Variants in SLC3A1 observed in about 807,000 individuals in gnomAD.
SLC3A1 encodes amino acid transporter heavy chain SLC3A1.
A neutral mutation model predicts 60.3 loss-of-function variants in SLC3A1; 78 were observed. That is an observed-to-expected ratio of 1.29 (90% CI 1.08 to 1.56). SLC3A1 has a LOEUF of 1.56. SLC3A1 is among the 40% of genes most tolerant of loss of function. The pLI is 0.00. For synonymous variants in SLC3A1, 392 were observed against 307.9 expected (o/e 1.27, Z -2.86); for missense variants, 1,172 against 858.9 (o/e 1.36, Z -4.56).
intron 1 of SLC3A1, among the ~76,000 whole-genome samples, chr2:44,279,003 A>T (rs777179934): frequency 2.1e-5 from 3 of 145,068 alleles, no homozygotes; most frequent in African/African-American, 7.5e-5. Flanking sequence ...TATATTTATT[A>T]TTTTTTTTTT....
At chr2:44,285,268 C>T (rs1035174884) in intron 3 of SLC3A1, 3 of 167,574 alleles carry the variant, frequency 1.8e-5, no homozygotes, top group Non-Finnish European at 3.9e-5. Flanking sequence ...AGTGTAACTA[C>T]GTCTTCCAAC....
chr2:44,313,558 T>C (rs912473229), intron 8 of SLC3A1, among the ~76,000 whole-genome samples: 2 of 152,238 alleles, frequency 1.3e-5, no homozygotes, highest in African/African-American at 2.4e-5. Context: ...TCCTGTATTA[T>C]TGATTTTTAG....
chr2:44,310,629 G>C, intron 7 of SLC3A1, among the ~76,000 whole-genome samples: 1 of 151,944 alleles, frequency 6.6e-6, no homozygotes, highest in East Asian at 1.9e-4. Context: ...GTCCTACTTG[G>C]AGTTCATTGA....
At chr2:44,298,531 C>G (rs886490462) in intron 4 of SLC3A1, among the ~76,000 whole-genome samples, 2 of 152,194 alleles carry the variant, frequency 1.3e-5, no homozygotes, top group African/African-American at 4.8e-5. Flanking sequence ...GTGCATGGCT[C>G]CATGCCCAAC....
At position 44,320,238 on chromosome 2, in the gene SLC3A1, C is replaced by G. The variant is rs754053965; in HGVS notation, c.1657C>G (p.Gln553Glu). 4.3e-6 allele frequency: 7 copies of G among 1,613,852 alleles called. No individual in the cohort carries two copies. In the African/African-American group the frequency reaches 6.7e-5, roughly 15 times the overall value. ...TQPRSALKLY[Q>E]DLSLLHANEL... is the part of the protein sequence containing the mutation. ...GCCCAGATCGGCTTTGAAGTTATAT[C>G]AAGATTTAAGTCTACTTCATGCCAA... Residue 553 changes from glutamine (Q) to glutamate (E), a missense_variant, in exon 10 of 10, where the codon CAA (glutamine) becomes GAA (glutamate). Physicochemically the swap from Gln to Glu is conservative, Grantham distance 29. Coordinates refer to ENST00000260649, the MANE Select transcript of SLC3A1 (RefSeq NM_000341.4).
At chr2:44,288,323 G>A (rs760321109) in intron 4 of SLC3A1, among the ~76,000 whole-genome samples, 4 of 152,110 alleles carry the variant, frequency 2.6e-5, no homozygotes, top group Non-Finnish European at 5.9e-5. Flanking sequence ...ACTGCACCTG[G>A]CCTAATTTCA....
chr2:44,315,391 G>A (rs1455183081), intron 9 of SLC3A1: 1 of 151,634 alleles, frequency 6.6e-6, no homozygotes, highest in African/African-American at 2.4e-5. Flanking sequence ...GCTCACAGCT[G>A]TAATCCCAGC....
chr2:44,285,653 T>G (rs1671595772), intron 3 of SLC3A1: 2 of 482,006 alleles, frequency 4.1e-6, no homozygotes, highest in East Asian at 1.3e-4. Context: ...AGCGGAATGT[T>G]TCTTTCTTCC....
At chr2:44,277,078 T>G (rs1671360341) in intron 1 of SLC3A1, among the ~76,000 whole-genome samples, 1 of 149,574 alleles carries the variant, frequency 6.7e-6, no homozygotes, top group Non-Finnish European at 1.5e-5. Flanking sequence ...CTTTTCTTTT[T>G]CACGCTCCTA....
chr2:44,301,426 C>G (rs2104365104), intron 6 of SLC3A1: 1 of 586,110 alleles, frequency 1.7e-6, no homozygotes, highest in East Asian at 2.9e-5. Flanking sequence ...TAGCCATGAG[C>G]TATTATTTTT....
chr2:44,320,435 G>C lies in SLC3A1; in HGVS notation c.1854G>C (p.Met618Ile), dbSNP rs698761. The change falls in exon 10 of 10, where the codon ATG (methionine) becomes ATC (isoleucine). Residue 618 changes from methionine (M) to isoleucine (I), a missense_variant. Met to Ile is a conservative substitution (Grantham distance 10). Coordinates refer to ENST00000260649, the MANE Select transcript of SLC3A1 (RefSeq NM_000341.4). ...TGATTTCGGGCCTTCCCGCTAAAAT[G>C]AGAATAAGGTTAAGTACCAATTCTG... ...HNMISGLPAK[M>I]RIRLSTNSAD... is the part of the protein sequence containing the mutation. 4.4e-5 allele frequency: 71 copies of C among 1,613,778 alleles called. No homozygotes were observed. Among genetic ancestry groups the C allele is most frequent in the Non-Finnish European group, 5.5e-5 (65 of 1,179,922 alleles).
At chr2:44,301,865 G>T (rs1414818193) in intron 6 of SLC3A1, among the ~76,000 whole-genome samples, 1 of 151,926 alleles carries the variant, frequency 6.6e-6, no homozygotes, top group Non-Finnish European at 1.5e-5. Flanking sequence ...TTCGAGACCA[G>T]CCTGGGCAAC....
At position 44,286,767 on chromosome 2, in the gene SLC3A1, G is replaced by A. The variant is rs1013669994; in HGVS notation, c.891+610G>A. ...GACTGAGCTGTGCGGTGTCTGTGAC[G>A]GTGAGCTGTGCGGTGCCTGTGACGG... On this transcript the variant is annotated intron_variant, in intron 4 of 9. Transcript: ENST00000260649. 6.8e-5 allele frequency among the ~76,000 whole-genome samples: 9 copies of A among 132,382 alleles called. 1 individual carries two copies. The South Asian group carries it at 1.6e-3, about 23-fold the overall frequency. 86.8% of individuals were successfully genotyped at this position (132,382 alleles called of 152,430 possible).
In SLC3A1 at chr2:44,281,480, A is replaced by G. The variant is rs1432983344; in HGVS notation, c.704A>G (p.Asp235Gly). Residue 235 changes from aspartate (D) to glycine (G), a missense_variant, in exon 3 of 10, where the codon GAT becomes GGT. Asp to Gly is a moderately conservative substitution (Grantham distance 94). Transcript: ENST00000260649. ...LSRTRTGKYTDYYIWHDCTHE... is the reference protein window; with the variant it reads ...LSRTRTGKYTGYYIWHDCTHE... ...CGGACACGGACAGGAAAATATACTG[A>G]TTATTATATCTGGCATGACTGTACC... is the stretch of plus-strand genomic sequence containing the variant. 1 of 1,613,914 alleles carries G rather than the reference A, an allele frequency of 6.2e-7. No homozygotes were observed. The highest frequency in any genetic ancestry group is 1.7e-5 in the Admixed American group (1 of 60,032).
At chr2:44,314,297 G>A in intron 9 of SLC3A1, 1 of 535,712 alleles carries the variant, frequency 1.9e-6, no homozygotes, top group South Asian at 2.3e-5. Flanking sequence ...CAGGGAGAGA[G>A]GCGAGTGGAT....
chr2:44,317,743 A>G (rs1477915343), intron 9 of SLC3A1: 1 of 152,426 alleles, frequency 6.6e-6, no homozygotes, highest in Non-Finnish European at 1.5e-5. Flanking sequence ...AAAATTATAC[A>G]GTCAATCCAA....
intron 3 of SLC3A1, among the ~76,000 whole-genome samples, chr2:44,282,974 T>C (rs1275720158): frequency 1.3e-5 from 2 of 152,170 alleles, no homozygotes; most frequent in Non-Finnish European, 1.5e-5. Flanking sequence ...GTAATACTTA[T>C]ACTCAACAAT....
At chr2:44,278,623 A>C (rs1246253560) in intron 1 of SLC3A1, among the ~76,000 whole-genome samples, 1 of 152,202 alleles carries the variant, frequency 6.6e-6, no homozygotes, top group Non-Finnish European at 1.5e-5. Flanking sequence ...AGGATTACAC[A>C]GAAAGTTACT....
At position 44,294,582 on chromosome 2, in the gene SLC3A1, C is replaced by A. The variant is rs1484428547; in HGVS notation, c.892-5389C>A. Reference sequence around the variant, plus strand: ...TTACTCCATACAGAAACCCTCCATACTATGTTATTGATGGAGACACTGAGG... The same window carrying A: ...TTACTCCATACAGAAACCCTCCATAATATGTTATTGATGGAGACACTGAGG... On this transcript the variant is annotated intron_variant, in intron 4 of 9. Transcript: ENST00000260649. 3.3e-5 allele frequency among the ~76,000 whole-genome samples: 5 copies of A among 152,008 alleles called. No homozygotes were observed. In the East Asian group the frequency reaches 9.6e-4, roughly 29 times the overall value.
Sources: allele counts gnomAD v4.1 joint callset (sites outside exome capture counted in the v4.1 genomes callset), GRCh38; gene constraint gnomAD v4.1.1; transcripts MANE v1.5; gene names NCBI Gene and HGNC (gene_info 2026-07-23, HGNC 2026-07-21).